The following BLTP3B variants were observed in gnomAD, a reference collection of about 807,000 sequenced individuals.
BLTP3B encodes UHRF1 (ICBP90) binding protein 1-like.
the BLTP3B span, among the ~76,000 whole-genome samples, chr12:100,111,821 G>A: frequency 1.3e-5 from 2 of 152,002 alleles, no homozygotes; most frequent in Admixed American, 1.3e-4. Context: ...GGTCAGGCTG[G>A]TCTCTAACTC....
chr12:100,120,490 T>C, the BLTP3B span, among the ~76,000 whole-genome samples: 2 of 152,190 alleles, frequency 1.3e-5, no homozygotes, highest in East Asian at 1.9e-4. Context: ...CATTAGTCAT[T>C]AGAAAACTGC....
the BLTP3B span, among the ~76,000 whole-genome samples, chr12:100,104,193 G>GTTCTTTTT: frequency 0.065 from 9,403 of 145,100 alleles, 338 homozygotes; most frequent in South Asian, 0.084. Flanking sequence ...GAAATTGTAA[G>GTTCTTTTT]TTCTTTTTTT....
At chr12:100,081,092 C>T in the BLTP3B span, among the ~76,000 whole-genome samples, 3 of 152,114 alleles carry the variant, frequency 2.0e-5, no homozygotes, top group Non-Finnish European at 4.4e-5. Context: ...ATTTGCTCCT[C>T]CTTGCCTTCC....
the BLTP3B span, among the ~76,000 whole-genome samples, chr12:100,042,137 C>T: frequency 1.3e-5 from 2 of 152,130 alleles, no homozygotes; most frequent in East Asian, 3.9e-4. Flanking sequence ...AAAATTCCCA[C>T]TGTTCATGGA....
At chr12:100,129,124 A>C in the BLTP3B span, among the ~76,000 whole-genome samples, 1 of 152,186 alleles carries the variant, frequency 6.6e-6, no homozygotes, top group African/African-American at 2.4e-5. Flanking sequence ...AAACTGGTTT[A>C]AGTGACAAAA....
chr12:100,077,026 T>C, the BLTP3B span, among the ~76,000 whole-genome samples: 3 of 152,208 alleles, frequency 2.0e-5, no homozygotes, highest in Non-Finnish European at 2.9e-5. Context: ...CTCTTTCTCA[T>C]TTCCACATAA....
chr12:100,057,390 ATAT>A, the BLTP3B span, among the ~76,000 whole-genome samples: 1 of 152,130 alleles, frequency 6.6e-6, no homozygotes, highest in Non-Finnish European at 1.5e-5. Context: ...AAATAACTAA[ATAT>A]TATTAATAAT....
At chr12:100,047,480 CA>C in the BLTP3B span, 1 of 1,421,096 alleles carries the variant, frequency 7.0e-7, no homozygotes. Flanking sequence ...GCCTGGGCAA[CA>C]AGAGCAAAAT....
the BLTP3B span, among the ~76,000 whole-genome samples, chr12:100,074,892 T>C: frequency 1.3e-5 from 2 of 152,180 alleles, no homozygotes; most frequent in East Asian, 3.9e-4. Context: ...CACCTATAAC[T>C]ATCTGATCTT....
At chr12:100,118,160 T>C in the BLTP3B span, among the ~76,000 whole-genome samples, 1 of 152,130 alleles carries the variant, frequency 6.6e-6, no homozygotes, top group Non-Finnish European at 1.5e-5. Flanking sequence ...AAGGACACTG[T>C]ACAAAACACG....
chr12:100,090,157 T>A, the BLTP3B span, among the ~76,000 whole-genome samples: 1 of 152,180 alleles, frequency 6.6e-6, no homozygotes, highest in Non-Finnish European at 1.5e-5. Context: ...ATAAAGCACA[T>A]CTTTGTAGAA....
chr12:100,103,966 T>G, the BLTP3B span: 16 of 1,594,074 alleles, frequency 1.0e-5, no homozygotes, highest in Non-Finnish European at 1.4e-5. Context: ...AAATGAAAAA[T>G]TTTTAATTTA....
the BLTP3B span, chr12:100,037,571 A>C: frequency 6.4e-7 from 1 of 1,571,728 alleles, no homozygotes; most frequent in East Asian, 2.3e-5. Context: ...AACTGGTAAC[A>C]TCCACATTAT....
chr12:100,094,972 T>G, the BLTP3B span, among the ~76,000 whole-genome samples: 2 of 152,212 alleles, frequency 1.3e-5, no homozygotes, highest in African/African-American at 4.8e-5. Context: ...GTGTATAATT[T>G]TATAATATTT....
chr12:100,107,314 A>G, the BLTP3B span, among the ~76,000 whole-genome samples: 2 of 129,612 alleles, frequency 1.5e-5, no homozygotes, highest in African/African-American at 6.9e-5. Flanking sequence ...AAAAAAAAAG[A>G]TAAGTAGAAT....
At chr12:100,043,234 G>C in the BLTP3B span, among the ~76,000 whole-genome samples, 1 of 152,174 alleles carries the variant, frequency 6.6e-6, no homozygotes, top group Admixed American at 6.5e-5. Flanking sequence ...TTATTGTGGT[G>C]GTCTGGAACC....
At chr12:100,039,018 T>C in the BLTP3B span, among the ~76,000 whole-genome samples, 7 of 152,280 alleles carry the variant, frequency 4.6e-5, no homozygotes, top group African/African-American at 1.4e-4. Context: ...TCTTCAATAG[T>C]CACGGATCAT....
At chr12:100,063,147 A>G in the BLTP3B span, among the ~76,000 whole-genome samples, 1 of 152,150 alleles carries the variant, frequency 6.6e-6, no homozygotes, top group Non-Finnish European at 1.5e-5. Context: ...TTTTTGCTCC[A>G]GAATCACTAC....
chr12:100,131,194 CCCA>C, the BLTP3B span, among the ~76,000 whole-genome samples: 1 of 151,424 alleles, frequency 6.6e-6, no homozygotes, highest in East Asian at 1.9e-4. Context: ...ACCTGTGGTC[CCCA>C]CTACTCAGGA....
Sources: allele counts gnomAD v4.1 joint callset (sites outside exome capture counted in the v4.1 genomes callset), GRCh38; gene constraint gnomAD v4.1.1; transcripts MANE v1.5; gene names NCBI Gene and HGNC (gene_info 2026-07-23, HGNC 2026-07-21).